The following RBFOX1 variants were observed in gnomAD, a reference collection of about 807,000 sequenced individuals.
The protein encoded by RBFOX1 is RNA binding protein fox-1 homolog 1.
Under a neutral mutation model 57.7 loss-of-function variants are expected in RBFOX1, and 8 were observed. That is an observed-to-expected ratio of 0.14 (90% CI 0.08 to 0.25). The LOEUF (loss-of-function observed/expected upper bound fraction) is 0.25, where lower values mean the gene tolerates loss of function less well. Ranked by LOEUF, RBFOX1 falls within the 10% of genes least tolerant of loss-of-function variation. RBFOX1 has a pLI of 1.00. For missense variants in RBFOX1, 611 were observed against 548.5 expected (o/e 1.11, Z -1.14); for synonymous variants, 326 against 222.4 (o/e 1.47, Z -4.15).
At chr16:5,438,747 T>C (rs2067993549) in intron 1 of RBFOX1, among the ~76,000 whole-genome samples, 1 of 152,172 alleles carries the variant, frequency 6.6e-6, no homozygotes, top group African/African-American at 2.4e-5. Flanking sequence ...TACCCTGGCC[T>C]GTGAGTATTT....
intron 1 of RBFOX1, among the ~76,000 whole-genome samples, chr16:5,457,301 A>C (rs577160120): frequency 7.2e-5 from 11 of 152,184 alleles, no homozygotes; most frequent in African/African-American, 2.6e-4. Flanking sequence ...TACCTGGATA[A>C]TTTTTATATT....
rs191669491 is a variant in RBFOX1 at position 6,998,259 on chromosome 16, C to G, written c.-15-53798C>G. Reference sequence around the variant, plus strand: ...TATTTGTTGCTAAATATTCCTAAAGCCTATGGGGTTCTAGAAACTGGCTTA... The same window carrying G: ...TATTTGTTGCTAAATATTCCTAAAGGCTATGGGGTTCTAGAAACTGGCTTA... On this transcript the variant is annotated intron_variant, in intron 3 of 15. Coordinates refer to ENST00000550418, the MANE Select transcript of RBFOX1 (RefSeq NM_018723.4). Among the ~76,000 whole-genome samples, 59 of 152,210 alleles carry G rather than the reference C, an allele frequency of 3.9e-4. 1 individual carries two copies. Among genetic ancestry groups the G allele is most frequent in the African/African-American group, 1.4e-3 (58 of 41,530 alleles).
At chr16:6,642,750 C>T (rs994134423) in intron 2 of RBFOX1, among the ~76,000 whole-genome samples, 1 of 152,094 alleles carries the variant, frequency 6.6e-6, no homozygotes, top group African/African-American at 2.4e-5. Context: ...GTTGTTCTGG[C>T]TTTACAGCTT....
intron 4 of RBFOX1, among the ~76,000 whole-genome samples, chr16:7,412,782 C>G (rs1190922305): frequency 6.6e-6 from 1 of 152,188 alleles, no homozygotes; most frequent in African/African-American, 2.4e-5. Flanking sequence ...GTGGCTCACG[C>G]CTGTGATCCC....
At chr16:5,271,606 A>G (rs1386731931) in intron 1 of RBFOX1, among the ~76,000 whole-genome samples, 1 of 152,110 alleles carries the variant, frequency 6.6e-6, no homozygotes, top group Non-Finnish European at 1.5e-5. Flanking sequence ...ATCATCTCTT[A>G]CTCTCACAGC....
intron 13 of RBFOX1, among the ~76,000 whole-genome samples, chr16:7,667,014 G>T (rs527500161): frequency 6.6e-6 from 1 of 152,272 alleles, no homozygotes; most frequent in East Asian, 1.9e-4. Context: ...CCCCCAGCCA[G>T]AAATTATCGT....
chr16:6,159,212 G>C (rs1178608263), intron 1 of RBFOX1, among the ~76,000 whole-genome samples: 1 of 152,108 alleles, frequency 6.6e-6, no homozygotes, highest in Non-Finnish European at 1.5e-5. Flanking sequence ...GAGTAGATGG[G>C]TCTATAGACG....
At chr16:7,456,185 G>A (rs1372615615) in intron 4 of RBFOX1, among the ~76,000 whole-genome samples, 1 of 152,184 alleles carries the variant, frequency 6.6e-6, no homozygotes, top group African/African-American at 2.4e-5. Context: ...CTCTGTGGAG[G>A]GTTGATGTAC....
At chr16:6,930,656 T>A (rs11077111) in intron 3 of RBFOX1, among the ~76,000 whole-genome samples, 3 of 151,996 alleles carry the variant, frequency 2.0e-5, no homozygotes, top group African/African-American at 4.8e-5. Flanking sequence ...GTGATCCGCC[T>A]GCCTTGGCCT....
intron 2 of RBFOX1, among the ~76,000 whole-genome samples, chr16:5,552,562 C>T (rs966971458): frequency 6.6e-6 from 1 of 152,150 alleles, no homozygotes; most frequent in African/African-American, 2.4e-5. Flanking sequence ...GCTTTTCTCT[C>T]CACCCACAGG....
intron 4 of RBFOX1, among the ~76,000 whole-genome samples, chr16:5,922,905 T>G (rs1166986726): frequency 6.6e-6 from 1 of 152,218 alleles, no homozygotes; most frequent in Non-Finnish European, 1.5e-5. Flanking sequence ...TTTGCCTTTT[T>G]TCCTGGATAT....
intron 4 of RBFOX1, among the ~76,000 whole-genome samples, chr16:7,245,131 ATTATTT>A (rs1206713718): frequency 6.6e-6 from 1 of 152,166 alleles, no homozygotes; most frequent in Non-Finnish European, 1.5e-5. Flanking sequence ...CTTAGTCTAG[ATTATTT>A]TTATTGATAA....
At chr16:6,607,477 C>T (rs2097953541) in intron 2 of RBFOX1, among the ~76,000 whole-genome samples, 1 of 149,706 alleles carries the variant, frequency 6.7e-6, no homozygotes, top group Admixed American at 6.7e-5. Context: ...TCCTCTGTCT[C>T]TCCTTACTCT....
At chr16:5,607,750 C>G (rs35371673) in intron 3 of RBFOX1, among the ~76,000 whole-genome samples, 34,280 of 152,114 alleles carry the variant, frequency 0.23, 5,364 homozygotes, top group African/African-American at 0.42. Context: ...TCCAATTCCA[C>G]TGGGCTCATT....
At chr16:7,565,290 C>G (rs543265252) in intron 5 of RBFOX1, among the ~76,000 whole-genome samples, 1 of 152,084 alleles carries the variant, frequency 6.6e-6, no homozygotes, top group Non-Finnish European at 1.5e-5. Context: ...CGCCACCATC[C>G]TTGGATTCTT....
chr16:5,689,500 C>G (rs1156493042), intron 3 of RBFOX1, among the ~76,000 whole-genome samples: 2 of 152,072 alleles, frequency 1.3e-5, no homozygotes, highest in Non-Finnish European at 2.9e-5. Flanking sequence ...GAAAGATTGT[C>G]TGGTATGTGG....
At chr16:5,731,162 C>T (rs7196072) in intron 3 of RBFOX1, among the ~76,000 whole-genome samples, 27,101 of 151,938 alleles carry the variant, frequency 0.18, 7,213 homozygotes, top group African/African-American at 0.58. Context: ...TTACCATCAT[C>T]TTCATCATCA....
chr16:6,613,324 C>A (rs2098094778), intron 2 of RBFOX1, among the ~76,000 whole-genome samples: 1 of 152,112 alleles, frequency 6.6e-6, no homozygotes, highest in South Asian at 2.1e-4. Context: ...GAGCAATTTC[C>A]TTTGAATGCT....
chr16:7,044,177 A>C (rs917535245), intron 3 of RBFOX1, among the ~76,000 whole-genome samples: 3 of 152,116 alleles, frequency 2.0e-5, no homozygotes, highest in Non-Finnish European at 4.4e-5. Flanking sequence ...GTATATGTGC[A>C]TGTGTGGGTA....
Sources: allele counts gnomAD v4.1 joint callset (sites outside exome capture counted in the v4.1 genomes callset), GRCh38; gene constraint gnomAD v4.1.1; transcripts MANE v1.5; gene names NCBI Gene and HGNC (gene_info 2026-07-23, HGNC 2026-07-21).